LSM5: variants seen among roughly 807,000 people sequenced by gnomAD.
LSM5 encodes LSM5 homolog, U6 small nuclear RNA and mRNA degradation associated, also known as U6 snRNA-associated Sm-like protein LSm5.
Under a neutral mutation model 13.8 loss-of-function variants are expected in LSM5, and 8 were observed. The observed-to-expected ratio is 0.58, with a 90% CI of 0.34 to 1.04. LSM5 has a LOEUF of 1.04. Among genes scored for constraint, LSM5 ranks in the 50% least tolerant of loss-of-function variants. The pLI, the probability that LSM5 is intolerant of heterozygous loss-of-function variation, is 0.03. For missense variants in LSM5, 80 were observed against 108.1 expected (o/e 0.74, Z 1.15); for synonymous variants, 35 against 37.0 (o/e 0.95, Z 0.20).
chr7:32,494,139 T>C (rs1197334172), upstream of LSM5, among the ~76,000 whole-genome samples: 1 of 152,218 alleles, frequency 6.6e-6, no homozygotes, highest in African/African-American at 2.4e-5. Flanking sequence ...CCGGCCCTTA[T>C]ATACATCTTT....
At chr7:32,494,058 C>T (rs1387434678), upstream of LSM5, among the ~76,000 whole-genome samples, 2 of 152,082 alleles carry the variant, frequency 1.3e-5, no homozygotes, top group Non-Finnish European at 2.9e-5. Flanking sequence ...TGGTCTAGAA[C>T]TCCTGACCTC....
Position 32,489,290 on chromosome 7 carries a change from T to A in LSM5, c.101A>T (p.Lys34Met), listed in dbSNP as rs1786518415. 2 of 1,609,508 alleles carry A rather than the reference T, an allele frequency of 1.2e-6. No homozygotes were observed. The highest frequency in any genetic ancestry group is 1.3e-5 in the African/African-American group (1 of 74,778). The stretch of plus-strand genomic sequence containing the variant: ...TCCTAGAAGAGTACCAACAATTTCC[T>A]TATCACTCTTCATCACGATGTGAAT... ...SRIHIVMKSD[K>M]EIVGTLLGFD... Residue 34 changes from lysine to methionine, a missense_variant, in exon 2 of 5, where the codon AAG (lysine) becomes ATG (methionine). Lys to Met is a moderately conservative substitution (Grantham distance 95). Coordinates refer to ENST00000450169, the MANE Select transcript of LSM5 (RefSeq NM_012322.3).
chr7:32,488,526 AC>A (rs1388041981), intron 3 of LSM5, 98 bp downstream of exon 3: 2 of 826,996 alleles, frequency 2.4e-6, no homozygotes, highest in African/African-American at 3.4e-5. Flanking sequence ...ACGTTATTCC[AC>A]CAAGAGGTAA....
At chr7:32,490,251 G>A (rs1292017999) in intron 1 of LSM5, 69 bp downstream of exon 1, 1 of 1,613,666 alleles carries the variant, frequency 6.2e-7, no homozygotes, top group Non-Finnish European at 8.5e-7. Flanking sequence ...GCCTGCCTCG[G>A]AACAGCCCCT....
In LSM5 at chr7:32,487,671, T is replaced by G; in HGVS notation, c.243+14A>C. 1 of 1,360,936 alleles carries G rather than the reference T, an allele frequency of 7.3e-7. No individual in the cohort carries two copies. Among genetic ancestry groups the G allele is most frequent in the South Asian group, 1.2e-5 (1 of 85,860 alleles). 84.3% of individuals were successfully genotyped at this position (1,360,936 alleles called of 1,614,324 possible). A position where few individuals can be genotyped will look rare whatever the true frequency, so the allele number is the denominator to read the frequency against. On this transcript the variant is annotated intron_variant, in intron 4 of 4. Coordinates refer to ENST00000450169, the MANE Select transcript of LSM5 (RefSeq NM_012322.3). Reference sequence around the variant, plus strand: ...GGGCTCCCATCAAAATAAAACAGTTTCAATGTGTCTTACCATTGTTATATT... The same window carrying G: ...GGGCTCCCATCAAAATAAAACAGTTGCAATGTGTCTTACCATTGTTATATT...
In LSM5 at chr7:32,489,493, A is replaced by C. The variant is rs933671705; in HGVS notation, c.47-149T>G. On this transcript the variant is annotated intron_variant, in intron 1 of 4. Coordinates refer to ENST00000450169, the MANE Select transcript of LSM5 (RefSeq NM_012322.3). ...GGTCTTATAATACAAATCTCAGTTC[A>C]AGCACAGCATCTGGCACATAATGAG... The C allele has an allele frequency of 6.6e-6, 4 of 603,244 alleles. No homozygotes were observed. In the Admixed American group the frequency reaches 1.4e-4, roughly 21 times the overall value. 37.4% of individuals were successfully genotyped at this position (603,244 alleles called of 1,614,324 possible).
chr7:32,489,025 G>A (rs575320330), intron 2 of LSM5, among the ~76,000 whole-genome samples: 66 of 152,296 alleles, frequency 4.3e-4, no homozygotes, highest in Non-Finnish European at 5.0e-4. Flanking sequence ...GGGCTCGCCT[G>A]TTCAGTTTTA....
rs374249754 is a variant in LSM5 at position 32,490,373 on chromosome 7, C to A, written c.-8G>T. 101 of 1,609,698 alleles carry A rather than the reference C, an allele frequency of 6.3e-5. No homozygotes were observed. Among genetic ancestry groups the A allele is most frequent in the Non-Finnish European group, 5.8e-5 (68 of 1,176,060 alleles). ...AGTAGCGTTAGCCGCCATGGCTACG[C>A]CGGAAGTGGCCTGCCTTCATTGATG... is the stretch of plus-strand genomic sequence containing the variant. On this transcript the variant is annotated 5_prime_UTR_variant, in exon 1 of 5. Transcript: ENST00000450169.
rs562426387 is a variant in LSM5, at chr7:32,489,953, C to T, written c.46+367G>A. The T allele has an allele frequency of 1.4e-5, 15 of 1,084,406 alleles. No individual in the cohort carries two copies. The South Asian group carries it at 2.4e-4, about 18-fold the overall frequency. The allele number at this position is 1,084,406 out of a possible 1,614,324, so 67.2% of individuals were successfully genotyped here. A position where few individuals can be genotyped will look rare whatever the true frequency, so the allele number is the denominator to read the frequency against. ...CGGACCAGGGTGTTAGTGTCACTAA[C>T]CAACCACATACATAACATGGTCTAT... On this transcript the variant is annotated intron_variant, in intron 1 of 4. Coordinates refer to ENST00000450169, the MANE Select transcript of LSM5 (RefSeq NM_012322.3).
At chr7:32,493,825 G>T (rs1315887037), upstream of LSM5, among the ~76,000 whole-genome samples, 1 of 150,668 alleles carries the variant, frequency 6.6e-6, no homozygotes, top group Non-Finnish European at 1.5e-5. Context: ...ACCAGCATGA[G>T]CCACCACGCC....
At chr7:32,490,131 C>T (rs1727708493) in intron 1 of LSM5, 189 bp downstream of exon 1, 3 of 1,538,160 alleles carry the variant, frequency 2.0e-6, no homozygotes, top group Non-Finnish European at 2.6e-6. Flanking sequence ...AAGTCCTTGC[C>T]TGGAGGAGCC....
Position 32,486,816 on chromosome 7 carries a change from C to A in LSM5, c.*445G>T, listed in dbSNP as rs1786458826. The A allele has an allele frequency of 5.5e-6, 1 of 180,264 alleles. No homozygotes were observed. The highest frequency in any genetic ancestry group is 6.3e-5 in the Admixed American group (1 of 15,824). 11.2% of individuals were successfully genotyped at this position (180,264 alleles called of 1,614,324 possible). On this transcript the variant is annotated 3_prime_UTR_variant, in exon 5 of 5. Transcript: ENST00000450169. ...AAGAAAAATCCTCATTACAAAACAACAGCATTTTAATTGAATTTTCTAAGT... is the reference window on the plus strand; with the variant it reads ...AAGAAAAATCCTCATTACAAAACAAAAGCATTTTAATTGAATTTTCTAAGT...
chr7:32,487,782 C>A lies in LSM5; in HGVS notation c.171-25G>T, dbSNP rs1162632898. On this transcript the variant is annotated intron_variant, in intron 3 of 4. Transcript: ENST00000450169. ...ACTAAATGAATAGATAAAATACAGT[C>A]AGGACAAACAGTGAAAATCAAAGCC... 6 of 1,170,828 alleles carry A rather than the reference C, an allele frequency of 5.1e-6. No homozygotes were observed. In the Admixed American group the frequency reaches 6.9e-5, roughly 13 times the overall value. 72.5% of individuals were successfully genotyped at this position (1,170,828 alleles called of 1,614,324 possible).
upstream of LSM5, among the ~76,000 whole-genome samples, chr7:32,492,179 T>G (rs1786609495): frequency 6.6e-6 from 1 of 152,158 alleles, no homozygotes; most frequent in East Asian, 1.9e-4. Context: ...CATACCATAC[T>G]GACAGTATGG....
At chr7:32,490,387 C>T, upstream of LSM5, 1 of 1,594,100 alleles carries the variant, frequency 6.3e-7, no homozygotes, top group Non-Finnish European at 8.6e-7. Context: ...AAGTGGCCTG[C>T]CTTCATTGAT....
chr7:32,493,303 A>G, upstream of LSM5, among the ~76,000 whole-genome samples: 1 of 152,110 alleles, frequency 6.6e-6, no homozygotes. Context: ...TTTTTTGTAG[A>G]GATGAGGTCT....
At chr7:32,492,585 TAAAG>T (rs1297585080), upstream of LSM5, among the ~76,000 whole-genome samples, 1 of 152,038 alleles carries the variant, frequency 6.6e-6, no homozygotes, top group Non-Finnish European at 1.5e-5. Flanking sequence ...TAATAAAGAA[TAAAG>T]AAAATCTCTT....
chr7:32,490,394 T>C (rs749355409), upstream of LSM5: 2 of 1,578,150 alleles, frequency 1.3e-6, no homozygotes, highest in Non-Finnish European at 1.7e-6. Context: ...CTGCCTTCAT[T>C]GATGGTGGGA....
At chr7:32,488,873 C>T (rs1017626428) in intron 2 of LSM5, among the ~76,000 whole-genome samples, 1 of 152,158 alleles carries the variant, frequency 6.6e-6, no homozygotes, top group Non-Finnish European at 1.5e-5. Flanking sequence ...CACAGGTGTA[C>T]ATCACCATGC....
Sources: gnomAD v4.1 joint callset for allele counts (sites outside exome capture counted in the v4.1 genomes callset) on GRCh38, gnomAD v4.1.1 for gene constraint, MANE v1.5 for transcripts, NCBI Gene and HGNC (gene_info 2026-07-23, HGNC 2026-07-21) for gene names.